Variants in GGTLC1 observed in about 807,000 individuals in gnomAD.
GGTLC1 encodes glutathione hydrolase light chain 1.
GGTLC1 carries 14 observed loss-of-function variants against 19.5 expected under a neutral mutation model. That is an observed-to-expected ratio of 0.72 (90% CI 0.47 to 1.12). GGTLC1 has a LOEUF of 1.12. Among genes scored for constraint, GGTLC1 ranks in the 50% most tolerant of loss-of-function variants. The pLI is 0.00. For missense variants in GGTLC1, 304 were observed against 309.2 expected (o/e 0.98, Z 0.13); for synonymous variants, 110 against 124.2 (o/e 0.89, Z 0.76).
At chr20:23,987,148 GT>G (rs1238979046) in intron 1 of GGTLC1, among the ~76,000 whole-genome samples, 1 of 152,190 alleles carries the variant, frequency 6.6e-6, no homozygotes, top group Non-Finnish European at 1.5e-5. Context: ...GAGGCAGGTG[GT>G]ATAGGCTGGT....
In GGTLC1 at chr20:23,986,114, A is replaced by G; in HGVS notation, c.266T>C (p.Phe89Ser). Residue 89 changes from phenylalanine (F) to serine (S), a missense_variant, in exon 3 of 6, where the codon TTT (phenylalanine) becomes TCT (serine). Physicochemically the swap from Phe to Ser is radical, Grantham distance 155 (BLOSUM62 -2). Coordinates refer to ENST00000335694, the MANE Select transcript of GGTLC1 (RefSeq NM_178311.3). ...ATTGGCAGGTGAGGGGGGTACCCCA[A>G]ACTCGTTGGTGATGCTGGTAGAGCT... ...DFSSTSITNE[F>S]GVPPSPANFI... is the part of the protein sequence containing the mutation. 6.2e-7 allele frequency: 1 copy of G among 1,613,190 alleles called. No homozygotes were observed. Among genetic ancestry groups the G allele is most frequent in the African/African-American group, 1.3e-5 (1 of 74,762 alleles).
In GGTLC1 at chr20:23,985,947, G is replaced by T. The variant is rs541165436; in HGVS notation, c.332C>A (p.Pro111Gln). 5.6e-6 allele frequency: 9 copies of T among 1,611,940 alleles called. No homozygotes were observed. The highest frequency in any genetic ancestry group is 7.6e-6 in the Non-Finnish European group (9 of 1,179,848). The stretch of plus-strand genomic sequence containing the variant: ...GCCGTCCTGGCCCACCATGATCGTC[G>T]GGCACATGGACGAGAGCGGCTGCTT... ...PGKQPLSSMC[P>Q]TIMVGQDGQV... The change falls in exon 4 of 6, where the codon CCG (proline) becomes CAG (glutamine). Residue 111 changes from proline to glutamine, a missense_variant. Physicochemically the swap from Pro to Gln is moderately conservative, Grantham distance 76. Coordinates refer to ENST00000335694, the MANE Select transcript of GGTLC1 (RefSeq NM_178311.3).
intron 1 of GGTLC1, among the ~76,000 whole-genome samples, chr20:23,987,682 G>A (rs1262397807): frequency 2.0e-5 from 3 of 151,886 alleles, no homozygotes; most frequent in African/African-American, 4.8e-5. Context: ...GAGATGAGGA[G>A]GTCAAGGAGG....
At chr20:23,986,937 A>T (rs1306965305) in intron 1 of GGTLC1, 1 of 810,696 alleles carries the variant, frequency 1.2e-6, no homozygotes, top group African/African-American at 1.7e-5. Context: ...GCACTGGGGA[A>T]TCAATAGGAA....
At chr20:23,988,347 C>CT (rs1230505749) in intron 1 of GGTLC1, among the ~76,000 whole-genome samples, 130 of 151,452 alleles carry the variant, frequency 8.6e-4, no homozygotes, top group African/African-American at 1.5e-3. Flanking sequence ...CGCCCGGCCT[C>CT]TTTTTTTTCT....
Position 23,985,692 on chromosome 20 carries a change from G to T in GGTLC1, c.506C>A (p.Thr169Lys), listed in dbSNP as rs1273843694. Residue 169 changes from threonine (T) to lysine (K), a missense_variant, in exon 5 of 6, where the codon ACG (threonine) becomes AAG (lysine). Transcript: ENST00000335694. ...CTGGTCAATGTTTCTCTCCACTGTC[G>T]TGACGTTGGGCAGAAGCTGGTTGTG... ...RLHNQLLPNV[T>K]TVERNIDQEV... The T allele has an allele frequency of 6.2e-7, 1 of 1,612,018 alleles. No individual in the cohort carries two copies. Among genetic ancestry groups the T allele is most frequent in the East Asian group, 2.2e-5 (1 of 44,876 alleles).
At position 23,986,093 on chromosome 20, in the gene GGTLC1, G is replaced by T. The variant is rs763649212; in HGVS notation, c.287C>A (p.Ala96Asp). Residue 96 changes from alanine (A) to aspartate (D), a missense_variant, in exon 3 of 6, where the codon GCC (alanine) becomes GAC (aspartate). Coordinates refer to ENST00000335694, the MANE Select transcript of GGTLC1 (RefSeq NM_178311.3). The stretch of plus-strand genomic sequence containing the variant: ...CCCCATACCTGGCTGGATGAAATTG[G>T]CAGGTGAGGGGGGTACCCCAAACTC... ...TNEFGVPPSP[A>D]NFIQPGKQPL... 42 of 1,613,672 alleles carry T rather than the reference G, an allele frequency of 2.6e-5. No homozygotes were observed. Among genetic ancestry groups the T allele is most frequent in the South Asian group, 3.3e-5 (3 of 91,056 alleles).
In GGTLC1 at chr20:23,985,342, C is replaced by G; in HGVS notation, c.552G>C (p.Glu184Asp). The change falls in exon 6 of 6, where the codon GAG becomes GAC. Residue 184 changes from glutamate to aspartate, a missense_variant. By Grantham distance (45) the Glu-to-Asp change is conservative. Transcript: ENST00000335694. Reference protein sequence around the residue: ...NIDQEVTAALETRHHHTQITS... With the variant: ...NIDQEVTAALDTRHHHTQITS... The stretch of plus-strand genomic sequence containing the variant: ...TGATCTGGGTGTGATGGTGCCGGGT[C>G]TCCAGGGCTGCAGTCACTTCCTGGG... 1.9e-6 allele frequency: 3 copies of G among 1,611,890 alleles called. No individual in the cohort carries two copies. Among genetic ancestry groups the G allele is most frequent in the Non-Finnish European group, 2.5e-6 (3 of 1,179,856 alleles).
chr20:23,985,980 G>T lies in GGTLC1; in HGVS notation c.305-6C>A, dbSNP rs1184772671. The T allele has an allele frequency of 6.2e-7, 1 of 1,611,958 alleles. No individual in the cohort carries two copies. Among genetic ancestry groups the T allele is most frequent in the Non-Finnish European group, 8.5e-7 (1 of 1,179,852 alleles). ...GGACGAGAGCGGCTGCTTCCCTGCG[G>T]CCAATGGGAGAAGACAGGGATGCCC... On this transcript the variant is annotated splice_polypyrimidine_tract_variant and splice_region_variant and intron_variant, in intron 3 of 5. Coordinates refer to ENST00000335694, the MANE Select transcript of GGTLC1 (RefSeq NM_178311.3).
Position 23,988,754 on chromosome 20 carries a change from C to T in GGTLC1, c.-180G>A. The T allele has an allele frequency of 4.3e-6, 1 of 231,222 alleles. No homozygotes were observed. Among genetic ancestry groups the T allele is most frequent in the South Asian group, 6.6e-5 (1 of 15,198 alleles). The allele number at this position is 231,222 out of a possible 1,614,324, so 14.3% of individuals were successfully genotyped here. A position where few individuals can be genotyped will look rare whatever the true frequency, so the allele number is the denominator to read the frequency against. On this transcript the variant is annotated 5_prime_UTR_variant, in exon 1 of 6. Transcript: ENST00000335694. ...GCCTTTGGCCGAGTTGGCGGCTGGA[C>T]GAGGACGCAGAGCCCAGCTCTCGAG... is the stretch of plus-strand genomic sequence containing the variant.
intron 1 of GGTLC1, among the ~76,000 whole-genome samples, chr20:23,988,315 G>A (rs1988067112): frequency 6.6e-6 from 1 of 151,464 alleles, no homozygotes; most frequent in Non-Finnish European, 1.5e-5. Flanking sequence ...CAAAGTGCTA[G>A]GATTATAGGC....
chr20:23,985,549 G>A lies in GGTLC1; in HGVS notation c.531+118C>T, dbSNP rs184195688. Reference sequence around the variant, plus strand: ...CCCTCATGGCACAGGGGCTCCAGATGGCCCAGGCACTAGAGAGAGGACACC... The same window carrying A: ...CCCTCATGGCACAGGGGCTCCAGATAGCCCAGGCACTAGAGAGAGGACACC... On this transcript the variant is annotated intron_variant, in intron 5 of 5. Transcript: ENST00000335694. 4.3e-4 allele frequency: 684 copies of A among 1,587,998 alleles called. 10 individuals are homozygous for A. In the East Asian group the frequency reaches 0.012, roughly 28 times the overall value.
intron 3 of GGTLC1, 29 bp from the exon 4 acceptor site, chr20:23,986,003 C>A (rs764787591): frequency 3.1e-6 from 5 of 1,612,004 alleles, no homozygotes; most frequent in Middle Eastern, 2.2e-4. Context: ...GACAGGGATG[C>A]CCGTCAGCTG....
Position 23,985,943 on chromosome 20 carries a change from C to A in GGTLC1, c.336G>T (p.Thr112=), listed in dbSNP as rs555403528. ...CCTGGCCGTCCTGGCCCACCATGAT[C>A]GTCGGGCACATGGACGAGAGCGGCT... ...GKQPLSSMCP[T]IMVGQDGQVR... Residue 112 remains threonine, a synonymous_variant, in exon 4 of 6, where the codon ACG becomes ACT. Coordinates refer to ENST00000335694, the MANE Select transcript of GGTLC1 (RefSeq NM_178311.3). 36 of 1,611,976 alleles carry A rather than the reference C, an allele frequency of 2.2e-5. No homozygotes were observed. The East Asian group carries it at 8.0e-4, about 36-fold the overall frequency.
intron 1 of GGTLC1, among the ~76,000 whole-genome samples, chr20:23,987,700 G>C (rs992255603): frequency 6.6e-6 from 1 of 151,876 alleles, no homozygotes; most frequent in Non-Finnish European, 1.5e-5. Context: ...AGGAGACAGA[G>C]AGGATGGACC....
rs1409238786 is a variant in GGTLC1 at position 23,986,118 on chromosome 20, C to T, written c.262G>A (p.Glu88Lys). 1.1e-5 allele frequency: 17 copies of T among 1,613,366 alleles called. No homozygotes were observed. The highest frequency in any genetic ancestry group is 1.3e-5 in the Non-Finnish European group (15 of 1,179,748). Residue 88 changes from glutamate to lysine, a missense_variant, in exon 3 of 6, where the codon GAG becomes AAG. By Grantham distance (56) the Glu-to-Lys change is moderately conservative. Transcript: ENST00000335694. ...DDFSSTSITN[E>K]FGVPPSPANF... ...GCAGGTGAGGGGGGTACCCCAAACT[C>T]GTTGGTGATGCTGGTAGAGCTGAAG... is the stretch of plus-strand genomic sequence containing the variant.
At chr20:23,987,010 A>T in intron 1 of GGTLC1, 1 of 396,418 alleles carries the variant, frequency 2.5e-6, no homozygotes, top group East Asian at 6.4e-5. Context: ...AAGTGCTGAA[A>T]CCACAAGCCA....
chr20:23,987,921 CG>C (rs768997846), intron 1 of GGTLC1, among the ~76,000 whole-genome samples: 2 of 136,022 alleles, frequency 1.5e-5, no homozygotes, highest in Admixed American at 7.3e-5. Context: ...TGGTGGCGGG[CG>C]CCTGTAGTCC....
rs1254983090 is a variant in GGTLC1, at chr20:23,985,184, G to T, written c.*32C>A. 1 of 1,611,792 alleles carries T rather than the reference G, an allele frequency of 6.2e-7. No homozygotes were observed. Among genetic ancestry groups the T allele is most frequent in the African/African-American group, 1.3e-5 (1 of 74,844 alleles). On this transcript the variant is annotated 3_prime_UTR_variant, in exon 6 of 6. Transcript: ENST00000335694. ...CGTCCTGGTGAGTATTTTGTTCCTG[G>T]ATTGCTTGTCAGCCTTGTCCGCCTG...
Sources: allele counts gnomAD v4.1 joint callset (sites outside exome capture counted in the v4.1 genomes callset), GRCh38; gene constraint gnomAD v4.1.1; transcripts MANE v1.5; gene names NCBI Gene and HGNC (gene_info 2026-07-23, HGNC 2026-07-21).